The following TMEM163 variants were observed in gnomAD, a reference collection of about 807,000 sequenced individuals.
The protein encoded by TMEM163 is transmembrane protein 163.
A neutral mutation model predicts 29.3 loss-of-function variants in TMEM163; 17 were observed. That is an observed-to-expected ratio of 0.58 (90% CI 0.40 to 0.87). The LOEUF (loss-of-function observed/expected upper bound fraction) is 0.87. Ranked by LOEUF, TMEM163 falls within the 40% of genes least tolerant of loss-of-function variation. TMEM163 has a pLI of 0.00. For synonymous variants in TMEM163, 157 were observed against 160.6 expected (o/e 0.98, Z 0.17); for missense variants, 303 against 381.5 (o/e 0.79, Z 1.71).
At chr2:134,486,309 A>T (rs1014961536) in intron 5 of TMEM163, among the ~76,000 whole-genome samples, 6 of 152,214 alleles carry the variant, frequency 3.9e-5, no homozygotes, top group Admixed American at 3.3e-4. Flanking sequence ...TGAACAAAAC[A>T]CAAGGAAGGC....
chr2:134,592,553 G>C (rs1005086831), intron 2 of TMEM163, among the ~76,000 whole-genome samples: 4 of 152,030 alleles, frequency 2.6e-5, no homozygotes, highest in African/African-American at 9.7e-5. Flanking sequence ...GTTAATGCTG[G>C]TCAGCTATGC....
chr2:134,602,833 C>T (rs746844476), intron 2 of TMEM163, among the ~76,000 whole-genome samples: 1 of 152,036 alleles, frequency 6.6e-6, no homozygotes, highest in Non-Finnish European at 1.5e-5. Context: ...GCCGAGGACT[C>T]TTGTCTCCTC....
chr2:134,545,821 C>T (rs143015975), intron 4 of TMEM163, among the ~76,000 whole-genome samples: 23 of 152,322 alleles, frequency 1.5e-4, no homozygotes, highest in East Asian at 1.9e-4. Flanking sequence ...TAGTACCCCA[C>T]GCCAACAATT....
chr2:134,487,829 C>T (rs1427995984), intron 5 of TMEM163, among the ~76,000 whole-genome samples: 1 of 152,092 alleles, frequency 6.6e-6, no homozygotes, highest in African/African-American at 2.4e-5. Context: ...AATTGGATCC[C>T]TACCTCATAC....
At chr2:134,681,142 C>T (rs886481816) in intron 2 of TMEM163, among the ~76,000 whole-genome samples, 11 of 152,132 alleles carry the variant, frequency 7.2e-5, no homozygotes, top group African/African-American at 1.4e-4. Context: ...CTTATACTGC[C>T]GGCTCATAGA....
intron 5 of TMEM163, among the ~76,000 whole-genome samples, chr2:134,493,248 A>G (rs1266957924): frequency 2.0e-5 from 3 of 149,540 alleles, no homozygotes; most frequent in Non-Finnish European, 1.5e-5. Context: ...TGATATATAT[A>G]TATGCTGTCT....
chr2:134,622,476 G>A (rs932947115), intron 2 of TMEM163, among the ~76,000 whole-genome samples: 10 of 152,164 alleles, frequency 6.6e-5, no homozygotes, highest in Admixed American at 1.3e-4. Context: ...AACATATTGC[G>A]GTGAAACTGA....
chr2:134,718,610 T>A (rs1685091481), intron 1 of TMEM163, 124 bp downstream of exon 1: 1 of 687,498 alleles, frequency 1.5e-6, no homozygotes, highest in South Asian at 6.8e-5. Context: ...CGCCGGGAAG[T>A]CGGGGCTCCG....
chr2:134,482,733 A>G (rs911611153), intron 5 of TMEM163, among the ~76,000 whole-genome samples: 1 of 152,172 alleles, frequency 6.6e-6, no homozygotes, highest in African/African-American at 2.4e-5. Context: ...CTGGTTATTA[A>G]ATTATATTGA....
rs1256813845 is a variant in TMEM163, at chr2:134,718,941, G to A, written c.-6C>T. On this transcript the variant is annotated 5_prime_UTR_variant, in exon 1 of 8. Transcript: ENST00000281924. ...ATGCCCGCGGCCGGCTCCATGGCGC[G>A]GGGCTGCGGATCCCGGCGGCGGCGA... 6.7e-6 allele frequency: 7 copies of A among 1,043,166 alleles called. No homozygotes were observed. Among genetic ancestry groups the A allele is most frequent in the Middle Eastern group, 9.1e-4 (2 of 2,202 alleles). 64.6% of individuals were successfully genotyped at this position (1,043,166 alleles called of 1,614,324 possible). A position where few individuals can be genotyped will look rare whatever the true frequency, so the allele number is the denominator to read the frequency against.
At chr2:134,466,430 T>A (rs760227846) in intron 5 of TMEM163, 5 of 547,472 alleles carry the variant, frequency 9.1e-6, no homozygotes, top group Non-Finnish European at 1.6e-5. Flanking sequence ...TAATCCCAAT[T>A]TATATTTACT....
intron 4 of TMEM163, among the ~76,000 whole-genome samples, chr2:134,536,077 C>T (rs943536056): frequency 2.6e-5 from 4 of 152,068 alleles, no homozygotes; most frequent in Non-Finnish European, 4.4e-5. Context: ...AGGGCGCACG[C>T]GTATATACGT....
At chr2:134,594,226 A>G (rs114249932) in intron 2 of TMEM163, among the ~76,000 whole-genome samples, 1,838 of 149,100 alleles carry the variant, frequency 0.012, 43 homozygotes, top group African/African-American at 0.041. Context: ...GAAAGAGTGA[A>G]GGAGAGACAG....
intron 3 of TMEM163, 100 bp downstream of exon 3, chr2:134,551,948 C>T (rs1680939718): frequency 1.1e-6 from 1 of 912,968 alleles, no homozygotes; most frequent in African/African-American, 1.7e-5. Flanking sequence ...ATGCTAAGCT[C>T]TCATACACTA....
At chr2:134,510,095 C>T (rs1679914547) in intron 4 of TMEM163, among the ~76,000 whole-genome samples, 1 of 152,196 alleles carries the variant, frequency 6.6e-6, no homozygotes, top group East Asian at 1.9e-4. Context: ...ATGGCAGGTG[C>T]ATCACCCATG....
intron 3 of TMEM163, 91 bp downstream of exon 3, chr2:134,551,957 T>TA (rs1459969816): frequency 1.6e-5 from 16 of 1,011,216 alleles, no homozygotes; most frequent in Non-Finnish European, 2.3e-5. Context: ...TCTCATACAC[T>TA]AACCACCCTC....
chr2:134,528,824 G>A (rs992040873), intron 4 of TMEM163, among the ~76,000 whole-genome samples: 13 of 152,142 alleles, frequency 8.5e-5, no homozygotes, highest in African/African-American at 3.1e-4. Flanking sequence ...ATTGTATAAA[G>A]CCCTTCACTG....
intron 2 of TMEM163, among the ~76,000 whole-genome samples, chr2:134,705,672 C>G (rs1253709938): frequency 6.6e-6 from 1 of 152,202 alleles, no homozygotes; most frequent in East Asian, 1.9e-4. Context: ...ACTGAGAAGT[C>G]ACGTCTTGTC....
intron 6 of TMEM163, among the ~76,000 whole-genome samples, chr2:134,465,856 G>A (rs1449767984): frequency 6.6e-6 from 1 of 152,212 alleles, no homozygotes. Context: ...AGAGGCTGGG[G>A]AGCCCCAAGC....
Sources: gnomAD v4.1 joint callset for allele counts (sites outside exome capture counted in the v4.1 genomes callset) on GRCh38, gnomAD v4.1.1 for gene constraint, MANE v1.5 for transcripts, NCBI Gene and HGNC (gene_info 2026-07-23, HGNC 2026-07-21) for gene names.